The following TNC variants were observed in gnomAD, a reference collection of about 807,000 sequenced individuals.
TNC encodes tenascin.
A neutral mutation model predicts 202.4 loss-of-function variants in TNC; 109 were observed. The observed-to-expected ratio is 0.54, with a 90% CI of 0.46 to 0.63. The LOEUF (loss-of-function observed/expected upper bound fraction) is 0.63. TNC is among the 30% of genes least tolerant of loss of function. TNC has a pLI of 0.00. For missense variants in TNC, 2,756 were observed against 2,833.3 expected (o/e 0.97, Z 0.62); for synonymous variants, 1,007 against 1,089.7 (o/e 0.92, Z 1.50).
chr9:115,096,629 T>C (rs1403189849), intron 1 of TNC, among the ~76,000 whole-genome samples: 1 of 151,930 alleles, frequency 6.6e-6, no homozygotes, highest in Admixed American at 6.6e-5. Context: ...GCCCGGGGAT[T>C]AGGGAGAAAA....
In TNC at chr9:115,090,948, A is replaced by T; in HGVS notation, c.71T>A (p.Val24Asp). Residue 24 changes from valine (V) to aspartate (D), a missense_variant, in exon 2 of 28, where the codon GTC (valine) becomes GAC (aspartate). Around this residue, in one of 2 missense-constraint regions of TNC, gnomAD observed 2,559 missense variants for 2,546.0 expected, o/e 1.01. Coordinates refer to ENST00000350763, the MANE Select transcript of TNC (RefSeq NM_002160.4). ...AFLALATEGG[V>D]LKKVIRHKRQ... Reference sequence around the variant, plus strand: ...CTTGTGCCGGATGACTTTCTTGAGGACCCCACCTTCGGTAGCGAGGGCAAG... The same window carrying T: ...CTTGTGCCGGATGACTTTCTTGAGGTCCCCACCTTCGGTAGCGAGGGCAAG... The T allele has an allele frequency of 6.2e-7, 1 of 1,613,874 alleles. No individual in the cohort carries two copies. The highest frequency in any genetic ancestry group is 8.5e-7 in the Non-Finnish European group (1 of 1,179,986).
chr9:115,093,007 G>C (rs527960867), intron 1 of TNC, among the ~76,000 whole-genome samples: 1 of 152,142 alleles, frequency 6.6e-6, no homozygotes, highest in South Asian at 2.1e-4. Flanking sequence ...GGATTATTCA[G>C]CCTATAAGAA....
chr9:115,057,457 A>C (rs1000635673), intron 14 of TNC, 32 bp from the exon 15 acceptor site: 13 of 1,552,490 alleles, frequency 8.4e-6, no homozygotes, highest in Non-Finnish European at 1.1e-5. Flanking sequence ...GAGAAGAAAA[A>C]AATAAATTTG....
intron 14 of TNC, among the ~76,000 whole-genome samples, chr9:115,059,385 G>A (rs969584326): frequency 2.6e-5 from 4 of 152,176 alleles, no homozygotes; most frequent in African/African-American, 7.2e-5. Flanking sequence ...AGGGAGGGAA[G>A]CTTTTAGTTA....
In TNC at chr9:115,069,708, C is replaced by G; in HGVS notation, c.3214+3895G>C. 4.1e-4 allele frequency among the ~76,000 whole-genome samples: 2 copies of G among 4,908 alleles called. 1 individual carries two copies. The highest frequency in any genetic ancestry group is 3.6e-3 in the Admixed American group (2 of 560). 3.2% of individuals were successfully genotyped at this position (4,908 alleles called of 152,430 possible). A position where few individuals can be genotyped will look rare whatever the true frequency, so the allele number is the denominator to read the frequency against. On this transcript the variant is annotated intron_variant, in intron 10 of 27. Coordinates refer to ENST00000350763, the MANE Select transcript of TNC (RefSeq NM_002160.4). Reference sequence around the variant, plus strand: ...CCTCCCTCCCTCCCTCCCTCCCTCCCTTCCTTCCTTCCTTCCTTCCTCCCT... The same window carrying G: ...CCTCCCTCCCTCCCTCCCTCCCTCCGTTCCTTCCTTCCTTCCTTCCTCCCT...
Position 115,073,878 on chromosome 9 carries a change from A to G in TNC, c.2951-12T>C. ...GGGCGTGTCCAACTCTGGGAGGAGA[A>G]CAGAGAGATGAATGCTCTTCAGGCT... On this transcript the variant is annotated splice_polypyrimidine_tract_variant and intron_variant, in intron 9 of 27. Transcript: ENST00000350763. 6.2e-7 allele frequency: 1 copy of G among 1,604,972 alleles called. No individual in the cohort carries two copies. Among genetic ancestry groups the G allele is most frequent in the Non-Finnish European group, 8.5e-7 (1 of 1,179,502 alleles).
In TNC at chr9:115,026,633, C is replaced by T. The variant is rs376887748; in HGVS notation, c.6232G>A (p.Asp2078Asn). Residue 2078 changes from aspartate to asparagine, a missense_variant, in exon 26 of 28, where the codon GAC becomes AAC. Physicochemically the swap from Asp to Asn is conservative, Grantham distance 23. This residue lies in a region of TNC where 197 missense variants were observed against 287.3 expected (regional missense o/e 0.69). Coordinates refer to ENST00000350763, the MANE Select transcript of TNC (RefSeq NM_002160.4). ...GQYELRVDLR[D>N]HGETAFAVYD... ...ACAGCAAAGGCTGTCTCCCCATGGT[C>T]CCGCAGGTCCACCCGGAGCTCGTAC... 18 of 1,613,872 alleles carry T rather than the reference C, an allele frequency of 1.1e-5. No individual in the cohort carries two copies. The highest frequency in any genetic ancestry group is 8.0e-5 in the African/African-American group (6 of 74,864).
rs2131396169 is a variant in TNC at position 115,020,511 on chromosome 9, C to A, written c.*646G>T. On this transcript the variant is annotated 3_prime_UTR_variant, in exon 28 of 28. Coordinates refer to ENST00000350763, the MANE Select transcript of TNC (RefSeq NM_002160.4). ...TGGCTTTGGTGAAATTCAGACTCAA[C>A]AATTCAAAGCAAAATAACAAACTCA... 1 of 209,332 alleles carries A rather than the reference C, an allele frequency of 4.8e-6. No individual in the cohort carries two copies. Among genetic ancestry groups the A allele is most frequent in the Non-Finnish European group, 9.7e-6 (1 of 103,214 alleles). 13.0% of individuals were successfully genotyped at this position (209,332 alleles called of 1,614,324 possible). A position where few individuals can be genotyped will look rare whatever the true frequency, so the allele number is the denominator to read the frequency against.
chr9:115,052,666 G>A lies in TNC; in HGVS notation c.4580-4134C>T, dbSNP rs551413682. On this transcript the variant is annotated intron_variant, in intron 15 of 27. Transcript: ENST00000350763. ...CATTTGCAGTGAAGATTGTATTTTT[G>A]TTGAATTTTCCTTTAAGATGACTTA... 1.1e-3 allele frequency: 707 copies of A among 630,172 alleles called. 1 individual carries two copies. The highest frequency in any genetic ancestry group is 1.6e-3 in the Non-Finnish European group (554 of 348,578). 39.0% of individuals were successfully genotyped at this position (630,172 alleles called of 1,614,324 possible).
intron 7 of TNC, 61 bp downstream of exon 7, chr9:115,077,882 T>G: frequency 6.5e-7 from 1 of 1,532,962 alleles, no homozygotes; most frequent in Non-Finnish European, 8.9e-7. Flanking sequence ...CAACATGGAG[T>G]GGGATGGAAA....
intron 11 of TNC, 59 bp from the exon 12 acceptor site, chr9:115,064,127 C>A: frequency 6.8e-7 from 1 of 1,479,156 alleles, no homozygotes; most frequent in Non-Finnish European, 9.1e-7. Flanking sequence ...TCCAGGGAAT[C>A]TTTAACACAA....
intron 15 of TNC, among the ~76,000 whole-genome samples, chr9:115,056,429 C>T (rs1382125774): frequency 6.6e-6 from 1 of 152,158 alleles, no homozygotes; most frequent in Non-Finnish European, 1.5e-5. Context: ...TGACTTAGTG[C>T]ACATCTCACA....
In TNC at chr9:115,078,219, T is replaced by C; in HGVS notation, c.2405-7A>G. ...TGGCTGGGGGCATCCAAGCCTATGA[T>C]GGGCAGAGGACAGAGAGGCTTCAGA... On this transcript the variant is annotated splice_polypyrimidine_tract_variant and splice_region_variant and intron_variant, in intron 6 of 27. Coordinates refer to ENST00000350763, the MANE Select transcript of TNC (RefSeq NM_002160.4). 1 of 1,600,672 alleles carries C rather than the reference T, an allele frequency of 6.2e-7. No individual in the cohort carries two copies. The highest frequency in any genetic ancestry group is 8.5e-7 in the Non-Finnish European group (1 of 1,170,052).
intron 26 of TNC, among the ~76,000 whole-genome samples, chr9:115,025,530 T>A (rs1456633349): frequency 2.6e-5 from 4 of 152,082 alleles, no homozygotes; most frequent in African/African-American, 9.7e-5. Context: ...ATGGGTTGCA[T>A]GGGGGTGGTC....
At chr9:115,064,539 A>G (rs1287829963) in intron 11 of TNC, 108 bp downstream of exon 11, 10 of 1,369,294 alleles carry the variant, frequency 7.3e-6, no homozygotes, top group Middle Eastern at 2.7e-4. Context: ...CCCCATAGAC[A>G]TAAGTAGTGG....
In TNC at chr9:115,084,440, C is replaced by T; in HGVS notation, c.1900G>A (p.Val634Met). 1 of 1,614,188 alleles carries T rather than the reference C, an allele frequency of 6.2e-7. No homozygotes were observed. Among genetic ancestry groups the T allele is most frequent in the Non-Finnish European group, 8.5e-7 (1 of 1,180,024 alleles). Residue 634 changes from valine to methionine, a missense_variant, in exon 4 of 28, where the codon GTG (valine) becomes ATG (methionine). Transcript: ENST00000350763. ...SPPKDLVVTEVTEETVNLAWD... is the reference protein window; with the variant it reads ...SPPKDLVVTEMTEETVNLAWD... ...GCCAGGTTGACCGTCTCTTCCGTCA[C>T]TTCTGTCACAACGAGGTCTTTGGGA...
rs1829270878 is a variant in TNC at position 115,023,824 on chromosome 9, T to C, written c.6495+149A>G. 21 of 901,164 alleles carry C rather than the reference T, an allele frequency of 2.3e-5. 1 individual carries two copies. In the South Asian group the frequency reaches 3.4e-4, roughly 15 times the overall value. The allele number at this position is 901,164 out of a possible 1,614,324, so 55.8% of individuals were successfully genotyped here. Reference sequence around the variant, plus strand: ...TACCTGGCCTGCAGTGTCCTTGAGATTGCTCACTGCCTTGGGAAAAACATG... The same window carrying C: ...TACCTGGCCTGCAGTGTCCTTGAGACTGCTCACTGCCTTGGGAAAAACATG... On this transcript the variant is annotated intron_variant, in intron 27 of 27. Transcript: ENST00000350763.
intron 13 of TNC, among the ~76,000 whole-genome samples, chr9:115,060,646 ATT>A (rs1832474410): frequency 1.3e-5 from 2 of 152,146 alleles, no homozygotes; most frequent in Non-Finnish European, 2.9e-5. Context: ...TCCCTGCTTT[ATT>A]TCATTATTTA....
At chr9:115,065,002 G>A in intron 10 of TNC, 83 bp from the exon 11 acceptor site, 1 of 1,501,580 alleles carries the variant, frequency 6.7e-7, no homozygotes, top group Non-Finnish European at 9.0e-7. Flanking sequence ...CAAACCCAAT[G>A]CCACATCTAT....
Sources: gnomAD v4.1 joint callset for allele counts (sites outside exome capture counted in the v4.1 genomes callset) on GRCh38, gnomAD v4.1.1 for gene constraint, gnomAD v4.1.1 regional missense constraint, MANE v1.5 for transcripts, NCBI Gene and HGNC (gene_info 2026-07-23, HGNC 2026-07-21) for gene names.